LRRC4C: variants seen among roughly 807,000 people sequenced by gnomAD.
LRRC4C encodes leucine rich repeat containing 4C, also known as leucine-rich repeat-containing protein 4C.
A neutral mutation model predicts 33.6 loss-of-function variants in LRRC4C; 5 were observed. The ratio of observed to expected loss-of-function variants is 0.15; its 90% CI spans 0.08 to 0.31. LRRC4C has a LOEUF of 0.31. Among genes scored for constraint, LRRC4C ranks in the 10% least tolerant of loss-of-function variants. The pLI, the probability that LRRC4C is intolerant of heterozygous loss-of-function variation, is 1.00. For missense variants in LRRC4C, 560 were observed against 796.7 expected, an observed-to-expected ratio of 0.70 and a Z score of 3.58; for synonymous variants, 329 against 302.0, an observed-to-expected ratio of 1.09 and a Z score of -0.93.
chr11:41,326,901 T>C (rs1951137893), intron 1 of LRRC4C, among the ~76,000 whole-genome samples: 1 of 152,220 alleles, frequency 6.6e-6, no homozygotes, highest in Non-Finnish European at 1.5e-5. Context: ...GTAGGCAATA[T>C]AGAAATCTCT....
At chr11:40,580,943 A>G (rs1958438467) in intron 3 of LRRC4C, among the ~76,000 whole-genome samples, 1 of 152,258 alleles carries the variant, frequency 6.6e-6, no homozygotes, top group African/African-American at 2.4e-5. Context: ...GATTTCAGAT[A>G]TATTATTGTC....
At chr11:41,000,256 A>G in intron 1 of LRRC4C, among the ~76,000 whole-genome samples, 1 of 152,186 alleles carries the variant, frequency 6.6e-6, no homozygotes, top group East Asian at 1.9e-4. Flanking sequence ...TAATTGTGAT[A>G]CTCATTAGAG....
At chr11:41,390,586 C>G (rs976816171) in intron 1 of LRRC4C, among the ~76,000 whole-genome samples, 1 of 151,834 alleles carries the variant, frequency 6.6e-6, no homozygotes, top group Non-Finnish European at 1.5e-5. Flanking sequence ...ATACATTTTT[C>G]CCTTTCTTCC....
At chr11:40,866,681 T>C (rs1954384992) in intron 2 of LRRC4C, among the ~76,000 whole-genome samples, 1 of 152,136 alleles carries the variant, frequency 6.6e-6, no homozygotes, top group Non-Finnish European at 1.5e-5. Flanking sequence ...AGCTTCTCTG[T>C]TGATAAAATT....
At chr11:40,979,747 T>C (rs1268857476) in intron 1 of LRRC4C, among the ~76,000 whole-genome samples, 1 of 152,196 alleles carries the variant, frequency 6.6e-6, no homozygotes, top group Non-Finnish European at 1.5e-5. Context: ...CTTCTGCCAT[T>C]TTATGTGTTT....
rs528800799 is a variant in LRRC4C at position 40,915,868 on chromosome 11, C to T, written c.-407+17767G>A. Among the ~76,000 whole-genome samples the T allele has an allele frequency of 2.5e-3, 385 of 152,124 alleles. 2 individuals are homozygous for T. The highest frequency in any genetic ancestry group is 8.9e-3 in the African/African-American group (368 of 41,500). On this transcript the variant is annotated intron_variant, in intron 2 of 6. Transcript: ENST00000528697. ...TTTACAAGAAAAAAACAAACAACCC[C>T]ATCAAAAAGTGGGTGAAGGATATGA...
At chr11:41,319,902 A>G (rs1950906333) in intron 1 of LRRC4C, among the ~76,000 whole-genome samples, 1 of 152,172 alleles carries the variant, frequency 6.6e-6, no homozygotes, top group African/African-American at 2.4e-5. Context: ...ATATATGTTT[A>G]AATGCATGGA....
chr11:41,356,440 C>T (rs1160223079), intron 1 of LRRC4C, among the ~76,000 whole-genome samples: 1 of 152,114 alleles, frequency 6.6e-6, no homozygotes, highest in East Asian at 1.9e-4. Flanking sequence ...GGGTAAGGGG[C>T]CCTAATCACC....
At chr11:40,681,010 G>A (rs910458936) in intron 2 of LRRC4C, among the ~76,000 whole-genome samples, 2 of 152,094 alleles carry the variant, frequency 1.3e-5, no homozygotes, top group Non-Finnish European at 2.9e-5. Flanking sequence ...GACAGCACAG[G>A]TGTAATACAA....
At chr11:41,010,556 G>A (rs979473985) in intron 1 of LRRC4C, among the ~76,000 whole-genome samples, 2 of 152,164 alleles carry the variant, frequency 1.3e-5, no homozygotes, top group Admixed American at 6.6e-5. Context: ...GTAGCCAGAA[G>A]GATAACATGC....
At chr11:41,358,298 C>T (rs1010506080) in intron 1 of LRRC4C, among the ~76,000 whole-genome samples, 6 of 151,910 alleles carry the variant, frequency 3.9e-5, no homozygotes, top group African/African-American at 1.5e-4. Context: ...TTCAGAACTC[C>T]TAGAAGATAA....
intron 3 of LRRC4C, among the ~76,000 whole-genome samples, chr11:40,457,122 A>G (rs908245159): frequency 1.3e-5 from 2 of 151,540 alleles, no homozygotes; most frequent in African/African-American, 4.8e-5. Flanking sequence ...AAAAGAAAAA[A>G]AAAACAGTTA....
At chr11:41,165,294 A>G (rs1016338408) in intron 1 of LRRC4C, among the ~76,000 whole-genome samples, 8 of 152,126 alleles carry the variant, frequency 5.3e-5, no homozygotes, top group Admixed American at 1.3e-4. Context: ...TGGGATCACC[A>G]TCATATATGA....
At chr11:41,072,518 G>A (rs1437566370) in intron 1 of LRRC4C, among the ~76,000 whole-genome samples, 1 of 151,894 alleles carries the variant, frequency 6.6e-6, no homozygotes, top group Non-Finnish European at 1.5e-5. Context: ...CTTACCTCCT[G>A]TTGCCATGTG....
At chr11:40,183,768 T>C (rs979853535) in intron 5 of LRRC4C, among the ~76,000 whole-genome samples, 3 of 152,218 alleles carry the variant, frequency 2.0e-5, no homozygotes, top group African/African-American at 7.2e-5. Context: ...TTACATGGTA[T>C]ACCTCCTCAG....
intron 1 of LRRC4C, among the ~76,000 whole-genome samples, chr11:41,013,238 CT>C (rs1435530449): frequency 1.2e-4 from 18 of 152,326 alleles, no homozygotes; most frequent in African/African-American, 4.3e-4. Context: ...CGTGGACTCA[CT>C]TTTAACATCT....
intron 1 of LRRC4C, among the ~76,000 whole-genome samples, chr11:40,968,397 T>A (rs530127277): frequency 1.4e-4 from 21 of 152,190 alleles, no homozygotes; most frequent in Non-Finnish European, 2.8e-4. Context: ...ATCCAGAAGA[T>A]CTGGCTAAGA....
At chr11:40,523,728 T>C (rs11035890) in intron 3 of LRRC4C, among the ~76,000 whole-genome samples, 51,363 of 151,830 alleles carry the variant, frequency 0.34, 10,476 homozygotes, top group East Asian at 0.65. Flanking sequence ...GGGACTCTTC[T>C]TTCTTGTCTT....
chr11:40,908,168 T>C (rs1284963992), intron 2 of LRRC4C, among the ~76,000 whole-genome samples: 2 of 151,998 alleles, frequency 1.3e-5, no homozygotes, highest in Non-Finnish European at 2.9e-5. Context: ...CGTACCTGAG[T>C]AAAAGAATAG....
Sources: allele counts gnomAD v4.1 joint callset (sites outside exome capture counted in the v4.1 genomes callset), GRCh38; gene constraint gnomAD v4.1.1; transcripts MANE v1.5; gene names NCBI Gene and HGNC (gene_info 2026-07-23, HGNC 2026-07-21).